The following SLCO1C1 variants were observed in gnomAD, a reference collection of about 807,000 sequenced individuals.
SLCO1C1 encodes OAT-RP-5.
SLCO1C1 carries 70 observed loss-of-function variants against 76.4 expected under a neutral mutation model. The ratio of observed to expected loss-of-function variants is 0.92; its 90% CI spans 0.76 to 1.12. The LOEUF (loss-of-function observed/expected upper bound fraction) is 1.12, where lower values mean the gene tolerates loss of function less well. Ranked by LOEUF, SLCO1C1 falls within the 50% of genes most tolerant of loss-of-function variation. The probability of loss-of-function intolerance (pLI) is 0.00; values close to 1 mark genes in which losing one functional copy is unlikely to be tolerated. For missense variants in SLCO1C1, 912 were observed against 823.8 expected (o/e 1.11, Z -1.31); for synonymous variants, 306 against 286.1 (o/e 1.07, Z -0.70).
Position 20,753,075 on chromosome 12 carries a change from T to C in SLCO1C1, c.*547T>C, listed in dbSNP as rs1364275828. On this transcript the variant is annotated 3_prime_UTR_variant, in exon 15 of 15. Transcript: ENST00000266509. ...CTTTTCTTTGAAATACAATAATTTA[T>C]ATAGAAATGTGTAGCAGCAAATTAT... is the stretch of plus-strand genomic sequence containing the variant. 1 of 152,220 alleles carries C rather than the reference T, an allele frequency of 6.6e-6. No individual in the cohort carries two copies. Among genetic ancestry groups the C allele is most frequent in the Non-Finnish European group, 1.5e-5 (1 of 68,046 alleles). The allele number at this position is 152,220 out of a possible 1,614,324, so 9.4% of individuals were successfully genotyped here. A position where few individuals can be genotyped will look rare whatever the true frequency, so the allele number is the denominator to read the frequency against.
chr12:20,724,601 T>TG, intron 9 of SLCO1C1, among the ~76,000 whole-genome samples: 1 of 148,410 alleles, frequency 6.7e-6, no homozygotes, highest in South Asian at 2.1e-4. Context: ...AGACCAGCCT[T>TG]GCCTGTTTTT....
At chr12:20,752,017 T>A (rs1949330814) in intron 14 of SLCO1C1, among the ~76,000 whole-genome samples, 1 of 152,170 alleles carries the variant, frequency 6.6e-6, no homozygotes, top group African/African-American at 2.4e-5. Context: ...AAACTGGGGC[T>A]GTTCTAGGCA....
chr12:20,703,712 TGTTA>T (rs1479762554), intron 3 of SLCO1C1, among the ~76,000 whole-genome samples: 2 of 151,792 alleles, frequency 1.3e-5, no homozygotes, highest in Non-Finnish European at 3.0e-5. Flanking sequence ...AATAATTTAT[TGTTA>T]GTTGGTGGTA....
At chr12:20,697,685 G>A (rs1946330051) in intron 1 of SLCO1C1, among the ~76,000 whole-genome samples, 1 of 151,962 alleles carries the variant, frequency 6.6e-6, no homozygotes, top group South Asian at 2.1e-4. Flanking sequence ...AATTATTCAT[G>A]TGGTAATTTA....
chr12:20,706,008 A>T lies in SLCO1C1; in HGVS notation c.331A>T (p.Ile111Leu), dbSNP rs1302395786. Residue 111 changes from isoleucine (I) to leucine (L), a missense_variant, in exon 4 of 15, where the codon ATA becomes TTA. Transcript: ENST00000266509. ...TGGAGCCAAACTTCACAGGCCAAAA[A>T]TAATTGGAGCAGGGTGTGTAATCAT... ...YFGAKLHRPK[I>L]IGAGCVIMGV... 1.9e-6 allele frequency: 3 copies of T among 1,613,534 alleles called. No individual in the cohort carries two copies.
rs779608364 is a variant in SLCO1C1, at chr12:20,743,339, G to T, written c.1768G>T (p.Gly590Cys). ...IKPQLKSFAL[G>C]IYTLAIRVLA... ...GCCACAGCTTAAGTCTTTTGCCTTG[G>T]GTATCTACACATTAGCAATAAGAGT... Residue 590 changes from glycine to cysteine, a missense_variant, in exon 13 of 15, where the codon GGT becomes TGT. Physicochemically the swap from Gly to Cys is radical, Grantham distance 159 (BLOSUM62 -3). Coordinates refer to ENST00000266509, the MANE Select transcript of SLCO1C1 (RefSeq NM_017435.5). The T allele has an allele frequency of 1.9e-6, 3 of 1,612,212 alleles. No individual in the cohort carries two copies. The highest frequency in any genetic ancestry group is 1.1e-5 in the South Asian group (1 of 90,892).
At chr12:20,751,042 C>G in intron 14 of SLCO1C1, 1 of 708,922 alleles carries the variant, frequency 1.4e-6, no homozygotes, top group Middle Eastern at 4.1e-4. Context: ...CAAAAGTGTC[C>G]AGAATACAGT....
rs1267942772 is a variant in SLCO1C1, at chr12:20,752,723, A to G, written c.*195A>G. ...AATGGAAGATGCAGATGATAAAACT[A>G]ATTTTGAACTTTTTAATTTATATAA... On this transcript the variant is annotated 3_prime_UTR_variant, in exon 15 of 15. Transcript: ENST00000266509. 2 of 385,074 alleles carry G rather than the reference A, an allele frequency of 5.2e-6. No individual in the cohort carries two copies. Among genetic ancestry groups the G allele is most frequent in the African/African-American group, 2.1e-5 (1 of 48,336 alleles). The allele number at this position is 385,074 out of a possible 1,614,324, so 23.9% of individuals were successfully genotyped here. A position where few individuals can be genotyped will look rare whatever the true frequency, so the allele number is the denominator to read the frequency against.
intron 13 of SLCO1C1, among the ~76,000 whole-genome samples, chr12:20,746,932 T>TA (rs1367748109): frequency 1.3e-5 from 2 of 151,836 alleles, no homozygotes; most frequent in Non-Finnish European, 2.9e-5. Flanking sequence ...ACAAACGAAC[T>TA]AAAAAAATCC....
At chr12:20,716,140 C>T (rs1200487347) in intron 6 of SLCO1C1, among the ~76,000 whole-genome samples, 1 of 152,146 alleles carries the variant, frequency 6.6e-6, no homozygotes, top group African/African-American at 2.4e-5. Context: ...ATAATCTTGC[C>T]TTGGCTATGC....
intron 10 of SLCO1C1, among the ~76,000 whole-genome samples, 156 bp from the exon 11 acceptor site, chr12:20,736,951 T>C (rs1429798353): frequency 6.6e-6 from 1 of 152,206 alleles, no homozygotes; most frequent in Non-Finnish European, 1.5e-5. Context: ...TCACATTTCA[T>C]GACCAGAAGC....
Position 20,750,797 on chromosome 12 carries a change from C to A in SLCO1C1, c.1916+5C>A, listed in dbSNP as rs371921669. On this transcript the variant is annotated splice_donor_5th_base_variant and intron_variant, in intron 14 of 14. Transcript: ENST00000266509. ...ATATGATTCAAATGTCTTCAGGTACCAAATCAAAAGCATTCCCGCATCTCA... is the reference window on the plus strand; with the variant it reads ...ATATGATTCAAATGTCTTCAGGTACAAAATCAAAAGCATTCCCGCATCTCA... 5 of 1,613,714 alleles carry A rather than the reference C, an allele frequency of 3.1e-6. No individual in the cohort carries two copies. Among genetic ancestry groups the A allele is most frequent in the Non-Finnish European group, 4.2e-6 (5 of 1,179,882 alleles).
At chr12:20,696,246 G>A (rs886818104) in intron 1 of SLCO1C1, among the ~76,000 whole-genome samples, 1 of 152,110 alleles carries the variant, frequency 6.6e-6, no homozygotes, top group Non-Finnish European at 1.5e-5. Context: ...AGCAAGTGCC[G>A]TGAGGCTATT....
chr12:20,727,616 TCTC>T (rs1358628509), intron 9 of SLCO1C1, among the ~76,000 whole-genome samples: 3 of 152,190 alleles, frequency 2.0e-5, no homozygotes, highest in South Asian at 2.1e-4. Context: ...TTCACGCCAT[TCTC>T]CTGCTTCAGC....
intron 13 of SLCO1C1, among the ~76,000 whole-genome samples, chr12:20,750,187 C>T (rs1949229399): frequency 6.6e-6 from 1 of 152,054 alleles, no homozygotes; most frequent in Non-Finnish European, 1.5e-5. Context: ...ATGAATGAAG[C>T]CAAGGAATCA....
rs1565533146 is a variant in SLCO1C1, at chr12:20,733,102, AG to A, written c.1382+1del. 7 of 1,569,772 alleles carry A rather than the reference AG, an allele frequency of 4.5e-6. No individual in the cohort carries two copies. The highest frequency in any genetic ancestry group is 1.4e-5 in the African/African-American group (1 of 73,166). ...TGGCAGGACTAACTGTCTCCTACCA[AG>A]GGTATGTTCCCTCATTAAATAGTTT... ...DVAGLTVSYQ[G>X]TKPVSYHERA... On this transcript the variant is annotated frameshift_variant and splice_region_variant, in exon 10 of 15. Coordinates refer to ENST00000266509, the MANE Select transcript of SLCO1C1 (RefSeq NM_017435.5). LOFTEE classifies it high-confidence loss of function.
chr12:20,698,584 CTCAG>C (rs1349385362), intron 1 of SLCO1C1, among the ~76,000 whole-genome samples: 2 of 152,030 alleles, frequency 1.3e-5, no homozygotes, highest in Non-Finnish European at 2.9e-5. Flanking sequence ...AGGTGATATA[CTCAG>C]TCAGAATAGA....
At position 20,705,932 on chromosome 12, in the gene SLCO1C1, T is replaced by C; in HGVS notation, c.272-17T>C. The C allele has an allele frequency of 6.2e-7, 1 of 1,611,760 alleles. No individual in the cohort carries two copies. Among genetic ancestry groups the C allele is most frequent in the Non-Finnish European group, 8.5e-7 (1 of 1,178,520 alleles). On this transcript the variant is annotated splice_polypyrimidine_tract_variant and intron_variant, in intron 3 of 14. Transcript: ENST00000266509. ...CTAAGTTCTCTAATTTATGATGTTTTATTCTTTTCCTCAAAGGGAATCTCT... is the reference window on the plus strand; with the variant it reads ...CTAAGTTCTCTAATTTATGATGTTTCATTCTTTTCCTCAAAGGGAATCTCT...
chr12:20,699,932 A>G (rs1224099857), intron 2 of SLCO1C1: 1 of 376,264 alleles, frequency 2.7e-6, no homozygotes, highest in East Asian at 4.3e-5. Flanking sequence ...CCAAACAGAA[A>G]AGAGAGAAAT....
Sources: allele counts gnomAD v4.1 joint callset (sites outside exome capture counted in the v4.1 genomes callset), GRCh38; gene constraint gnomAD v4.1.1; transcripts MANE v1.5; gene names NCBI Gene and HGNC (gene_info 2026-07-23, HGNC 2026-07-21).